SPEF2: variants seen among roughly 807,000 people sequenced by gnomAD.
SPEF2 encodes the protein sperm flagellar and cilia associated 2, also known as sperm flagella and cilia-associated protein 2.
A neutral mutation model predicts 224.6 loss-of-function variants in SPEF2; 187 were observed. The observed-to-expected ratio is 0.83, with a 90% CI of 0.74 to 0.94. The LOEUF is 0.94. Ranked by LOEUF, SPEF2 falls within the 40% of genes least tolerant of loss-of-function variation. The pLI, the probability that SPEF2 is intolerant of heterozygous loss-of-function variation, is 0.00. For synonymous variants in SPEF2, 715 were observed against 707.3 expected, an observed-to-expected ratio of 1.01 and a Z score of -0.17; for missense variants, 2,170 against 2,135.6, an observed-to-expected ratio of 1.02 and a Z score of -0.32.
At chr5:35,695,510 T>C (rs1755180865) in intron 13 of SPEF2, among the ~76,000 whole-genome samples, 1 of 151,138 alleles carries the variant, frequency 6.6e-6, no homozygotes, top group East Asian at 1.9e-4. Context: ...GGGAGGGAGG[T>C]AGGGAGGGAG....
intron 26 of SPEF2, among the ~76,000 whole-genome samples, chr5:35,768,074 T>C (rs1008181866): frequency 6.6e-6 from 1 of 152,190 alleles, no homozygotes. Context: ...TGTATTTTGT[T>C]AGTTGTTAGT....
chr5:35,700,636 T>G lies in SPEF2; in HGVS notation c.2282T>G (p.Leu761Trp). Residue 761 changes from leucine to tryptophan, a missense_variant, in exon 16 of 37, where the codon TTG becomes TGG. Leu to Trp is a moderately conservative substitution (Grantham distance 61). Coordinates refer to ENST00000356031, the MANE Select transcript of SPEF2 (RefSeq NM_024867.4). ...VERKKAQKST[L>W]AIDPATSKEI... Reference sequence around the variant, plus strand: ...AGAAAAAAAGCACAAAAATCCACATTGGCTATTGATCCTGCGACTTCCAAA... The same window carrying G: ...AGAAAAAAAGCACAAAAATCCACATGGGCTATTGATCCTGCGACTTCCAAA... The G allele has an allele frequency of 6.2e-7, 1 of 1,613,978 alleles. No individual in the cohort carries two copies. Among genetic ancestry groups the G allele is most frequent in the Non-Finnish European group, 8.5e-7 (1 of 1,179,968 alleles).
chr5:35,807,541 G>T, intron 36 of SPEF2: 1 of 1,157,336 alleles, frequency 8.6e-7, no homozygotes, highest in Non-Finnish European at 1.2e-6. Context: ...TGTGATTGAA[G>T]GGTTTGGAGA....
At chr5:35,789,826 C>CCTGA (rs1337622091) in intron 30 of SPEF2, 1 of 702,918 alleles carries the variant, frequency 1.4e-6, no homozygotes, top group Non-Finnish European at 2.6e-6. Flanking sequence ...AGGTATCCAT[C>CCTGA]CTGACTGCAC....
intron 10 of SPEF2, chr5:35,675,567 C>T (rs1751863211): frequency 6.6e-6 from 1 of 151,958 alleles, no homozygotes; most frequent in Non-Finnish European, 1.4e-5. Context: ...CTCGCTCTCG[C>T]TCTTGCTCTG....
At chr5:35,792,278 G>A in intron 30 of SPEF2, 62 bp from the exon 31 acceptor site, 2 of 1,310,568 alleles carry the variant, frequency 1.5e-6, no homozygotes, top group South Asian at 1.5e-5. Flanking sequence ...TTCTATTTTA[G>A]CAAAAGAAGA....
intron 36 of SPEF2, among the ~76,000 whole-genome samples, chr5:35,808,871 T>A (rs182199745): frequency 0.013 from 1,919 of 146,756 alleles, 48 homozygotes; most frequent in African/African-American, 0.046. Context: ...TGTAAAAAAA[T>A]TGGGTTTTAC....
chr5:35,675,953 G>A (rs1278373025), intron 10 of SPEF2: 2 of 456,188 alleles, frequency 4.4e-6, no homozygotes, highest in Non-Finnish European at 8.8e-6. Flanking sequence ...TGGGTCATGT[G>A]AAGGGTATTT....
chr5:35,708,595 C>A (rs62351902), intron 18 of SPEF2, among the ~76,000 whole-genome samples: 69 of 26,456 alleles, frequency 2.6e-3, no homozygotes, highest in Middle Eastern at 0.067. Context: ...TACCACCATC[C>A]CCACCACAGA....
chr5:35,785,111 G>A (rs1488406509), intron 30 of SPEF2, among the ~76,000 whole-genome samples: 2 of 152,250 alleles, frequency 1.3e-5, no homozygotes, highest in Non-Finnish European at 2.9e-5. Flanking sequence ...AGATTTCTTA[G>A]AGAAGGGAAT....
At chr5:35,627,744 T>C (rs1744474637) in intron 1 of SPEF2, among the ~76,000 whole-genome samples, 1 of 152,182 alleles carries the variant, frequency 6.6e-6, no homozygotes, top group African/African-American at 2.4e-5. Flanking sequence ...GATATAGATA[T>C]GGTTATCTTT....
chr5:35,632,305 G>C (rs1454532394), intron 2 of SPEF2, among the ~76,000 whole-genome samples: 1 of 152,192 alleles, frequency 6.6e-6, no homozygotes, highest in African/African-American at 2.4e-5. Context: ...TTACAATCAT[G>C]GCAGAAGAGG....
rs537437545 is a variant in SPEF2, at chr5:35,770,599, G to C, written c.3802-1010G>C. 2.6e-5 allele frequency among the ~76,000 whole-genome samples: 4 copies of C among 152,182 alleles called. No individual in the cohort carries two copies. In the East Asian group the frequency reaches 7.7e-4, roughly 29 times the overall value. ...TTTTTAAGATTCTACAAATAAGTGA[G>C]ATCATGCAGTATTTGCCTTTCTGTG... On this transcript the variant is annotated intron_variant, in intron 26 of 36. Coordinates refer to ENST00000356031, the MANE Select transcript of SPEF2 (RefSeq NM_024867.4).
chr5:35,764,666 G>C, intron 26 of SPEF2: 3 of 456,206 alleles, frequency 6.6e-6, no homozygotes, highest in South Asian at 4.6e-5. Context: ...GAAAGTGGTA[G>C]AAGAGGACCT....
intron 10 of SPEF2, among the ~76,000 whole-genome samples, chr5:35,684,789 C>A (rs986941573): frequency 6.6e-6 from 1 of 152,124 alleles, no homozygotes; most frequent in Middle Eastern, 3.2e-3. Flanking sequence ...AAGACTGTTG[C>A]CTTTAAAAAG....
At chr5:35,808,152 A>AT (rs1758292082) in intron 36 of SPEF2, 1 of 985,560 alleles carries the variant, frequency 1.0e-6, no homozygotes, top group Non-Finnish European at 1.2e-6. Flanking sequence ...TGTGTGCCTA[A>AT]ACGTTTTTGT....
intron 29 of SPEF2, among the ~76,000 whole-genome samples, chr5:35,778,820 A>G (rs1753946706): frequency 6.6e-6 from 1 of 152,182 alleles, no homozygotes. Flanking sequence ...ATAGTAAAAT[A>G]TATTCTAATA....
intron 36 of SPEF2, among the ~76,000 whole-genome samples, chr5:35,811,105 TA>T (rs1318480142): frequency 6.7e-6 from 1 of 148,986 alleles, no homozygotes; most frequent in African/African-American, 2.5e-5. Context: ...AAAAAAATAA[TA>T]AATAATAAAA....
intron 21 of SPEF2, among the ~76,000 whole-genome samples, chr5:35,737,973 A>G (rs1382662518): frequency 6.6e-6 from 1 of 152,174 alleles, no homozygotes; most frequent in Non-Finnish European, 1.5e-5. Context: ...AGTGATGATG[A>G]GCATTTTTTC....
Sources: allele counts gnomAD v4.1 joint callset (sites outside exome capture counted in the v4.1 genomes callset), GRCh38; gene constraint gnomAD v4.1.1; transcripts MANE v1.5; gene names NCBI Gene and HGNC (gene_info 2026-07-23, HGNC 2026-07-21).